Variants in PACSIN1 observed in about 807,000 individuals in gnomAD.
The protein encoded by PACSIN1 is protein kinase C and casein kinase substrate in neurons protein 1.
A neutral mutation model predicts 59.5 loss-of-function variants in PACSIN1; 15 were observed. That is an observed-to-expected ratio of 0.25 (90% CI 0.17 to 0.39). The LOEUF is 0.39. PACSIN1 is among the 10% of genes least tolerant of loss of function. The pLI, the probability that PACSIN1 is intolerant of heterozygous loss-of-function variation, is 1.00. For synonymous variants in PACSIN1, 210 were observed against 220.6 expected (o/e 0.95, Z 0.42); for missense variants, 420 against 580.2 (o/e 0.72, Z 2.84).
At chr6:34,528,912 T>TGGGCCCGGGGGGGGGGGGGGG in intron 4 of PACSIN1, 35 bp downstream of exon 4, 4 of 464,332 alleles carry the variant, frequency 8.6e-6, no homozygotes, top group African/African-American at 2.4e-5. Flanking sequence ...CGGGGTGGGG[T>TGGGCCCGGGGGGGGGGGGGGG]GGGCCCGTCT....
At position 34,528,796 on chromosome 6, in the gene PACSIN1, C is replaced by T; in HGVS notation, c.375C>T (p.Ile125=). The change falls in exon 4 of 10, where the codon ATC becomes ATT. Residue 125 remains isoleucine, a synonymous_variant. Coordinates refer to ENST00000244458, the MANE Select transcript of PACSIN1 (RefSeq NM_020804.5). ...AGAAGGACGCCTATCACAAGCAGAT[C>T]ATGGGTGGCTTCAAGGAGACGAAGG... ...NWQKDAYHKQ[I]MGGFKETKEA... 1 of 1,612,928 alleles carries T rather than the reference C, an allele frequency of 6.2e-7. No homozygotes were observed. The highest frequency in any genetic ancestry group is 8.5e-7 in the Non-Finnish European group (1 of 1,179,694).
intron 1 of PACSIN1, among the ~76,000 whole-genome samples, chr6:34,468,067 C>T (rs1766522831): frequency 6.6e-6 from 1 of 152,230 alleles, no homozygotes; most frequent in South Asian, 2.1e-4. Context: ...ACCAGAGTCT[C>T]TGCCTCTGTC....
chr6:34,500,990 A>G (rs73405691), intron 1 of PACSIN1, among the ~76,000 whole-genome samples: 17,213 of 152,290 alleles, frequency 0.11, 1,063 homozygotes, highest in Non-Finnish European at 0.12. Context: ...ACTGAAAAGC[A>G]TTGCAGTCTT....
intron 3 of PACSIN1, 108 bp from the exon 4 acceptor site, chr6:34,528,534 A>G (rs1767528891): frequency 4.8e-6 from 4 of 832,782 alleles, no homozygotes; most frequent in Admixed American, 1.8e-5. Context: ...AGAGGAGGGC[A>G]TTTCTGTTGC....
chr6:34,528,760 G>T lies in PACSIN1; in HGVS notation c.339G>T (p.Val113=), dbSNP rs1767534350. The T allele has an allele frequency of 6.2e-7, 1 of 1,613,998 alleles. No individual in the cohort carries two copies. The highest frequency in any genetic ancestry group is 1.3e-5 in the African/African-American group (1 of 74,918). ...NNLLNEDLEK[V]KNWQKDAYHK... ...TGCTGAATGAGGACCTGGAGAAGGT[G>T]AAGAACTGGCAGAAGGACGCCTATC... Residue 113 remains valine (V), a synonymous_variant, in exon 4 of 10, where the codon GTG becomes GTT. Coordinates refer to ENST00000244458, the MANE Select transcript of PACSIN1 (RefSeq NM_020804.5).
At position 34,532,321 on chromosome 6, in the gene PACSIN1, A is replaced by G. The variant is rs979859887; in HGVS notation, c.1226-100A>G. On this transcript the variant is annotated intron_variant, in intron 9 of 9. Coordinates refer to ENST00000244458, the MANE Select transcript of PACSIN1 (RefSeq NM_020804.5). The surrounding 1 kb of genome is among the most constrained non-coding windows in gnomAD (Gnocchi z 5.2). ...GGCCTAAGAATCTAAAACCCAGTGC[A>G]GTAATCAGGAGGTGGGTATTGGAGG... The G allele has an allele frequency of 2.0e-5, 15 of 751,158 alleles. No homozygotes were observed. The highest frequency in any genetic ancestry group is 7.2e-5 in the Admixed American group (3 of 41,898). The allele number at this position is 751,158 out of a possible 1,614,324, so 46.5% of individuals were successfully genotyped here.
intron 1 of PACSIN1, among the ~76,000 whole-genome samples, chr6:34,510,460 C>G (rs1441253103): frequency 6.6e-6 from 1 of 152,184 alleles, no homozygotes; most frequent in Non-Finnish European, 1.5e-5. Flanking sequence ...CTGGCTTGCT[C>G]TACCTACCAT....
At chr6:34,482,765 C>T (rs1450818173) in intron 1 of PACSIN1, among the ~76,000 whole-genome samples, 2 of 151,174 alleles carry the variant, frequency 1.3e-5, no homozygotes, top group Non-Finnish European at 2.9e-5. Flanking sequence ...CTGCAACCTT[C>T]CCCACCTCCC....
rs556207058 is a variant in PACSIN1, at chr6:34,516,136, C to T, written c.-63-10107C>T. ...GCCCTTCTCCACCTGCTTTCTCTCC[C>T]GCACCCCCTGAGAGCCCAGCTGGGT... On this transcript the variant is annotated intron_variant, in intron 1 of 9. Coordinates refer to ENST00000244458, the MANE Select transcript of PACSIN1 (RefSeq NM_020804.5). The surrounding 1 kb of genome is among the most constrained non-coding windows in gnomAD (Gnocchi z 5.4). Among the ~76,000 whole-genome samples the T allele has an allele frequency of 1.6e-3, 240 of 152,246 alleles. 3 individuals carry two copies. Among genetic ancestry groups the T allele is most frequent in the African/African-American group, 5.5e-3 (227 of 41,536 alleles).
At position 34,494,555 on chromosome 6, in the gene PACSIN1, A is replaced by T. The variant is rs996220612; in HGVS notation, c.-64+28285A>T. On this transcript the variant is annotated intron_variant, in intron 1 of 9. Coordinates refer to ENST00000244458, the MANE Select transcript of PACSIN1 (RefSeq NM_020804.5). ...CATCTTGGGCTCCAGCAATCCTCCT[A>T]CCTCAGCCTCCCAAGTAGGTGGAAC... 2.0e-5 allele frequency among the ~76,000 whole-genome samples: 3 copies of T among 151,946 alleles called. No individual in the cohort carries two copies. In the East Asian group the frequency reaches 5.8e-4, roughly 29 times the overall value.
chr6:34,487,606 G>A (rs1289866725), intron 1 of PACSIN1, among the ~76,000 whole-genome samples: 3 of 152,246 alleles, frequency 2.0e-5, no homozygotes, highest in African/African-American at 7.2e-5. Context: ...AGTCACAGTA[G>A]AGGCCTCAGC....
chr6:34,505,798 G>A (rs887113630), intron 1 of PACSIN1, among the ~76,000 whole-genome samples: 4 of 151,674 alleles, frequency 2.6e-5, no homozygotes, highest in Admixed American at 6.6e-5. Context: ...ATGCCTGGCT[G>A]ATTTTGTAAT....
chr6:34,481,676 A>G (rs926149649), intron 1 of PACSIN1, among the ~76,000 whole-genome samples: 2 of 151,992 alleles, frequency 1.3e-5, no homozygotes, highest in African/African-American at 2.4e-5. Flanking sequence ...TCTAAAAAAA[A>G]AAAAAAGAAA....
intron 1 of PACSIN1, among the ~76,000 whole-genome samples, chr6:34,502,343 C>T (rs1320303624): frequency 1.3e-5 from 2 of 151,804 alleles, no homozygotes; most frequent in Non-Finnish European, 2.9e-5. Flanking sequence ...GCTGGAGAGA[C>T]CACAATGAAG....
At chr6:34,474,559 G>A (rs769837860) in intron 1 of PACSIN1, among the ~76,000 whole-genome samples, 1 of 152,134 alleles carries the variant, frequency 6.6e-6, no homozygotes, top group Admixed American at 6.6e-5. Context: ...GGAGGCCGAG[G>A]CAGGTGGATC....
intron 1 of PACSIN1, among the ~76,000 whole-genome samples, chr6:34,526,031 G>A (rs901395969): frequency 6.6e-6 from 1 of 152,080 alleles, no homozygotes. Context: ...TCCAGGGAGG[G>A]GGAAGGAGGA....
At chr6:34,471,213 G>A (rs775361842) in intron 1 of PACSIN1, among the ~76,000 whole-genome samples, 129 of 152,212 alleles carry the variant, frequency 8.5e-4, no homozygotes, top group Non-Finnish European at 1.5e-3. Context: ...CTCCCAAAGT[G>A]CTGGGATTAC....
chr6:34,485,527 C>T (rs1307545088), intron 1 of PACSIN1, among the ~76,000 whole-genome samples: 1 of 152,072 alleles, frequency 6.6e-6, no homozygotes, highest in Non-Finnish European at 1.5e-5. Flanking sequence ...GTGTTGTGTC[C>T]TGAGATGGCA....
intron 1 of PACSIN1, among the ~76,000 whole-genome samples, chr6:34,501,669 G>C (rs1003990510): frequency 1.3e-5 from 2 of 152,192 alleles, no homozygotes; most frequent in Non-Finnish European, 2.9e-5. Context: ...GATAGGACCT[G>C]TTCTCAAGGT....
Sources: allele counts gnomAD v4.1 joint callset (sites outside exome capture counted in the v4.1 genomes callset), GRCh38; gene constraint gnomAD v4.1.1; non-coding constraint Gnocchi (gnomAD v3.1); transcripts MANE v1.5; gene names NCBI Gene and HGNC (gene_info 2026-07-23, HGNC 2026-07-21).